The following EIF4ENIF1 variants were observed in gnomAD, a reference collection of about 807,000 sequenced individuals.
The protein encoded by EIF4ENIF1 is eukaryotic translation initiation factor 4E transporter.
In EIF4ENIF1, 23 loss-of-function variants were observed where a neutral mutation model predicts 110.5. That is an observed-to-expected ratio of 0.21 (90% CI 0.15 to 0.29). EIF4ENIF1 has a LOEUF of 0.29. EIF4ENIF1 is among the 10% of genes least tolerant of loss of function. The pLI is 1.00. For missense variants in EIF4ENIF1, 1,031 were observed against 1,221.1 expected, an observed-to-expected ratio of 0.84 and a Z score of 2.32; for synonymous variants, 440 against 437.0, an observed-to-expected ratio of 1.01 and a Z score of -0.09.
upstream of EIF4ENIF1, among the ~76,000 whole-genome samples, chr22:31,490,823 TC>T (rs2052252545): frequency 6.6e-6 from 1 of 152,176 alleles, no homozygotes; most frequent in East Asian, 1.9e-4. Flanking sequence ...AGGCGTGAAG[TC>T]CCGAGAACGC....
chr22:31,454,025 A>C lies in EIF4ENIF1; in HGVS notation c.1512+119T>G, dbSNP rs1235093071. On this transcript the variant is annotated intron_variant, in intron 10 of 18. Transcript: ENST00000330125. ...AACACACAAAAGCATCAAGGACCAA[A>C]TGACTACTAAAGAATTTCCAACTTA... The C allele has an allele frequency of 3.5e-6, 3 of 847,586 alleles. No individual in the cohort carries two copies. The South Asian group carries it at 5.4e-5, about 15-fold the overall frequency. The allele number at this position is 847,586 out of a possible 1,614,324, so 52.5% of individuals were successfully genotyped here.
At chr22:31,453,229 T>G (rs569586569) in intron 10 of EIF4ENIF1, 1 of 251,094 alleles carries the variant, frequency 4.0e-6, no homozygotes, top group African/African-American at 2.3e-5. Context: ...ACCAGTATAT[T>G]ATAAACATTT....
intron 2 of EIF4ENIF1, among the ~76,000 whole-genome samples, chr22:31,473,056 G>A (rs2051442137): frequency 6.7e-6 from 1 of 148,416 alleles, no homozygotes; most frequent in East Asian, 2.0e-4. Flanking sequence ...TTCCACATAT[G>A]AGCGAGCTTT....
chr22:31,462,311 A>G (rs141035898), intron 6 of EIF4ENIF1, among the ~76,000 whole-genome samples: 44 of 152,064 alleles, frequency 2.9e-4, no homozygotes, highest in African/African-American at 1.0e-3. Flanking sequence ...GTGAAACCCC[A>G]TCTCTACTAA....
At chr22:31,482,153 G>A (rs2051838734) in intron 2 of EIF4ENIF1, among the ~76,000 whole-genome samples, 1 of 146,080 alleles carries the variant, frequency 6.8e-6, no homozygotes, top group Non-Finnish European at 1.5e-5. Flanking sequence ...GGATAACAGT[G>A]AGAGCCTGTC....
At chr22:31,467,541 T>G (rs2051230735) in intron 4 of EIF4ENIF1, among the ~76,000 whole-genome samples, 1 of 152,088 alleles carries the variant, frequency 6.6e-6, no homozygotes, top group Admixed American at 6.6e-5. Context: ...TTGCCAGAAC[T>G]AGGCCGGGCG....
Position 31,439,650 on chromosome 22 carries a change from AT to A in EIF4ENIF1, c.*229del. 1.7e-6 allele frequency: 1 copy of A among 588,062 alleles called. No individual in the cohort carries two copies. The allele number at this position is 588,062 out of a possible 1,614,324, so 36.4% of individuals were successfully genotyped here. A position where few individuals can be genotyped will look rare whatever the true frequency, so the allele number is the denominator to read the frequency against. On this transcript the variant is annotated 3_prime_UTR_variant, in exon 19 of 19. Coordinates refer to ENST00000330125, the MANE Select transcript of EIF4ENIF1 (RefSeq NM_019843.4). ...ACATATCTTACAAAAAAGAAAGACC[AT>A]TTCCAGGATTGACAACATTGTGCAT...
chr22:31,444,173 C>A (rs1464327571), intron 15 of EIF4ENIF1, among the ~76,000 whole-genome samples: 3 of 152,176 alleles, frequency 2.0e-5, no homozygotes, highest in Non-Finnish European at 4.4e-5. Context: ...CCCTTCTGTT[C>A]CAGCCTTAGT....
chr22:31,476,367 A>T lies in EIF4ENIF1; in HGVS notation c.97-4450T>A, dbSNP rs1014475123. On this transcript the variant is annotated intron_variant, in intron 2 of 18. Transcript: ENST00000330125. ...CTACAGCTGTTTGCTGAACTCTATA[A>T]TGATTTTACCTATTTATTTAGGAGT... is the stretch of plus-strand genomic sequence containing the variant. 5.0e-4 allele frequency among the ~76,000 whole-genome samples: 76 copies of T among 152,214 alleles called. 1 individual carries two copies. Among genetic ancestry groups the T allele is most frequent in the Non-Finnish European group, 9.3e-4 (63 of 68,050 alleles).
At chr22:31,490,309 A>G (rs886150371), upstream of EIF4ENIF1, among the ~76,000 whole-genome samples, 47 of 152,254 alleles carry the variant, frequency 3.1e-4, no homozygotes, top group Non-Finnish European at 1.8e-4. Context: ...GGGCTTCGGC[A>G]GTGGGAATTT....
intron 14 of EIF4ENIF1, chr22:31,447,107 TA>T (rs2050501754): frequency 2.5e-6 from 1 of 405,544 alleles, no homozygotes; most frequent in Admixed American, 3.7e-5. Flanking sequence ...TATTTACTCA[TA>T]ACAATCTTGT....
intron 2 of EIF4ENIF1, among the ~76,000 whole-genome samples, chr22:31,485,650 C>G (rs1266895604): frequency 6.7e-6 from 1 of 150,276 alleles, no homozygotes; most frequent in Non-Finnish European, 1.5e-5. Flanking sequence ...GACCAACATA[C>G]AAAATTAGCC....
chr22:31,458,401 C>A, intron 7 of EIF4ENIF1, 74 bp downstream of exon 7: 2 of 1,305,620 alleles, frequency 1.5e-6, no homozygotes, highest in South Asian at 2.3e-5. Context: ...AGCAAAACAA[C>A]ACTTTCAAAC....
At chr22:31,477,384 CAAA>C (rs1171079275) in intron 2 of EIF4ENIF1, among the ~76,000 whole-genome samples, 2 of 55,752 alleles carry the variant, frequency 3.6e-5, no homozygotes, top group Non-Finnish European at 7.6e-5. Context: ...ACAAAAAAAA[CAAA>C]AAAAGAGAAT....
At chr22:31,472,018 C>T (rs1483815833) in intron 2 of EIF4ENIF1, 101 bp from the exon 3 acceptor site, 5 of 879,656 alleles carry the variant, frequency 5.7e-6, no homozygotes, top group African/African-American at 3.5e-5. Flanking sequence ...TTAAACACTT[C>T]ACACAATTCT....
intron 6 of EIF4ENIF1, 115 bp downstream of exon 6, chr22:31,462,817 A>T: frequency 9.4e-7 from 1 of 1,061,532 alleles, no homozygotes; most frequent in Admixed American, 2.4e-5. Flanking sequence ...TCCTGACCTC[A>T]GGTGATCCGC....
intron 6 of EIF4ENIF1, among the ~76,000 whole-genome samples, chr22:31,459,738 C>T (rs559783165): frequency 9.6e-6 from 1 of 104,610 alleles, no homozygotes; most frequent in Non-Finnish European, 2.1e-5. Context: ...AGGCATCTGA[C>T]ATCTTAGTTT....
chr22:31,463,837 A>G lies in EIF4ENIF1; in HGVS notation c.429T>C (p.Asp143=), dbSNP rs1482911490. 2.5e-6 allele frequency: 4 copies of G among 1,613,890 alleles called. No individual in the cohort carries two copies. The highest frequency in any genetic ancestry group is 2.2e-5 in the South Asian group (2 of 91,084). Reference sequence around the variant, plus strand: ...CACCAAGCAGACGAAGCCCATCACTATCTTTCTCTAATGGACTTCCTGAGC... The same window carrying G: ...CACCAAGCAGACGAAGCCCATCACTGTCTTTCTCTAATGGACTTCCTGAGC... ...SRRSGSPLEK[D]SDGLRLLGGR... is the part of the protein sequence containing the mutation. Residue 143 remains aspartate, a synonymous_variant, in exon 5 of 19, where the codon GAT becomes GAC. Coordinates refer to ENST00000330125, the MANE Select transcript of EIF4ENIF1 (RefSeq NM_019843.4).
chr22:31,438,760 G>C (rs2050210972), downstream of EIF4ENIF1, among the ~76,000 whole-genome samples: 1 of 151,246 alleles, frequency 6.6e-6, no homozygotes, highest in African/African-American at 2.4e-5. Context: ...GTCTCACTCT[G>C]TCGCCAGGCT....
Sources: gnomAD v4.1 joint callset for allele counts (sites outside exome capture counted in the v4.1 genomes callset) on GRCh38, gnomAD v4.1.1 for gene constraint, MANE v1.5 for transcripts, NCBI Gene and HGNC (gene_info 2026-07-23, HGNC 2026-07-21) for gene names.